Variants in HCN1 observed in about 807,000 individuals in gnomAD.
HCN1 encodes potassium/sodium hyperpolarization-activated cyclic nucleotide-gated channel 1.
HCN1 carries 13 observed loss-of-function variants against 78.9 expected under a neutral mutation model. The observed-to-expected ratio is 0.16, with a 90% confidence interval of 0.11 to 0.26. The LOEUF (loss-of-function observed/expected upper bound fraction) is 0.26, where lower values mean the gene tolerates loss of function less well. HCN1 is among the 10% of genes least tolerant of loss of function. The pLI is 1.00. For synonymous variants in HCN1, 552 were observed against 455.5 expected (o/e 1.21, Z -2.70); for missense variants, 810 against 1,154.3 (o/e 0.70, Z 4.32).
chr5:45,631,447 T>C (rs1448435497), intron 2 of HCN1, among the ~76,000 whole-genome samples: 2 of 152,250 alleles, frequency 1.3e-5, no homozygotes, highest in East Asian at 3.9e-4. Flanking sequence ...AGGTATGAGA[T>C]GACAAGAAGC....
chr5:45,344,536 T>C (rs1216970544), intron 5 of HCN1, among the ~76,000 whole-genome samples: 2 of 152,182 alleles, frequency 1.3e-5, no homozygotes, highest in Non-Finnish European at 2.9e-5. Flanking sequence ...ACTTCCTAGA[T>C]ACAATGAGGG....
At chr5:45,464,394 T>C (rs1247428714) in intron 2 of HCN1, among the ~76,000 whole-genome samples, 1 of 152,158 alleles carries the variant, frequency 6.6e-6, no homozygotes, top group African/African-American at 2.4e-5. Flanking sequence ...TAGGTAGTGC[T>C]AGTGCTGGCT....
chr5:45,640,914 G>A (rs1414215933), intron 2 of HCN1, among the ~76,000 whole-genome samples: 1 of 147,720 alleles, frequency 6.8e-6, no homozygotes, highest in African/African-American at 2.5e-5. Flanking sequence ...TAAAATTATA[G>A]AAGCAGAAAG....
At chr5:45,292,073 GA>G (rs1234965673) in intron 6 of HCN1, among the ~76,000 whole-genome samples, 3 of 150,752 alleles carry the variant, frequency 2.0e-5, no homozygotes, top group African/African-American at 4.9e-5. Flanking sequence ...ATTTGTTGAA[GA>G]AAAAAAAGGA....
intron 4 of HCN1, among the ~76,000 whole-genome samples, chr5:45,373,478 C>T (rs1424382828): frequency 7.2e-6 from 1 of 138,354 alleles, no homozygotes; most frequent in African/African-American, 2.6e-5. Context: ...TATACATCAT[C>T]TATCATATAC....
intron 5 of HCN1, among the ~76,000 whole-genome samples, chr5:45,313,543 A>G (rs1745906753): frequency 1.3e-5 from 2 of 152,314 alleles, no homozygotes; most frequent in East Asian, 3.9e-4. Context: ...TTGAGAGAAG[A>G]AGGCTTCAGA....
chr5:45,607,169 G>A (rs1484124452), intron 2 of HCN1, among the ~76,000 whole-genome samples: 6 of 151,538 alleles, frequency 4.0e-5, no homozygotes, highest in East Asian at 1.9e-4. Flanking sequence ...GAAATAACAC[G>A]ATTTAAATAA....
At chr5:45,328,855 C>T (rs532917591) in intron 5 of HCN1, among the ~76,000 whole-genome samples, 12 of 151,696 alleles carry the variant, frequency 7.9e-5, no homozygotes, top group East Asian at 3.9e-4. Flanking sequence ...AGTTAATAAG[C>T]GATATTAGCA....
intron 2 of HCN1, among the ~76,000 whole-genome samples, chr5:45,523,667 G>A (rs374013023): frequency 2.6e-5 from 4 of 151,834 alleles, no homozygotes; most frequent in African/African-American, 4.8e-5. Context: ...TCTTTTGAGA[G>A]GTGTCTGTTC....
At chr5:45,687,357 T>G (rs982690613) in intron 1 of HCN1, among the ~76,000 whole-genome samples, 9 of 152,184 alleles carry the variant, frequency 5.9e-5, no homozygotes, top group African/African-American at 1.9e-4. Context: ...CCATTTTCAC[T>G]TTTTTATCAT....
In HCN1 at chr5:45,318,215, C is replaced by A. The variant is rs538670115; in HGVS notation, c.1378-14376G>T. ...ATTAAGAAAATGTGGCACATATACA[C>A]CATGGAATACTATGCAGCCATAAAA... On this transcript the variant is annotated intron_variant, in intron 5 of 7. Coordinates refer to ENST00000303230, the MANE Select transcript of HCN1 (RefSeq NM_021072.4). Among the ~76,000 whole-genome samples the A allele has an allele frequency of 1.1e-4, 17 of 152,220 alleles. No individual in the cohort carries two copies. In the East Asian group the frequency reaches 3.3e-3, roughly 29 times the overall value.
In HCN1 at chr5:45,256,742, A is replaced by T. The variant is rs2111830037; in HGVS notation, c.*5179T>A. The T allele has an allele frequency of 6.6e-6, 1 of 152,254 alleles. No individual in the cohort carries two copies. Among genetic ancestry groups the T allele is most frequent in the East Asian group, 1.9e-4 (1 of 5,174 alleles). 9.4% of individuals were successfully genotyped at this position (152,254 alleles called of 1,614,324 possible). On this transcript the variant is annotated 3_prime_UTR_variant, in exon 8 of 8. Transcript: ENST00000303230. ...TAAGTATATACTGGTCAATTAAAAA[A>T]ATTTTTTTTCCTTGTAGAGACCAGG...
chr5:45,338,613 C>A (rs891492336), intron 5 of HCN1, among the ~76,000 whole-genome samples: 1 of 141,226 alleles, frequency 7.1e-6, no homozygotes, highest in Non-Finnish European at 1.5e-5. Flanking sequence ...TTTCTAGACA[C>A]TAAGAACATA....
chr5:45,269,326 G>T (rs1744917233), intron 6 of HCN1, among the ~76,000 whole-genome samples: 2 of 152,066 alleles, frequency 1.3e-5, no homozygotes, highest in Non-Finnish European at 1.5e-5. Flanking sequence ...TATACAAAGT[G>T]AAAAGAAAAT....
intron 6 of HCN1, among the ~76,000 whole-genome samples, chr5:45,274,603 T>C (rs1479402306): frequency 6.6e-6 from 1 of 152,174 alleles, no homozygotes; most frequent in African/African-American, 2.4e-5. Context: ...GTATTCTAAT[T>C]TTTCCTTATG....
chr5:45,273,316 A>G (rs1744994901), intron 6 of HCN1, among the ~76,000 whole-genome samples: 1 of 151,704 alleles, frequency 6.6e-6, no homozygotes, highest in South Asian at 2.1e-4. Flanking sequence ...GATTTGGCCT[A>G]GCACATTATT....
intron 5 of HCN1, among the ~76,000 whole-genome samples, chr5:45,332,817 A>G (rs1403242180): frequency 6.6e-6 from 1 of 151,518 alleles, no homozygotes; most frequent in African/African-American, 2.4e-5. Context: ...AAATAACAGG[A>G]TCTCATTTTT....
At chr5:45,616,724 A>G (rs559679432) in intron 2 of HCN1, among the ~76,000 whole-genome samples, 1 of 152,172 alleles carries the variant, frequency 6.6e-6, no homozygotes, top group South Asian at 2.1e-4. Flanking sequence ...TCCATTAAAT[A>G]AAAAACAAAC....
chr5:45,455,777 A>AT (rs1741017647), intron 3 of HCN1, among the ~76,000 whole-genome samples: 1 of 151,304 alleles, frequency 6.6e-6, no homozygotes, highest in African/African-American at 2.4e-5. Flanking sequence ...AAAAAAAAAA[A>AT]AAAAAGGGTT....
Sources: allele counts gnomAD v4.1 joint callset (sites outside exome capture counted in the v4.1 genomes callset), GRCh38; gene constraint gnomAD v4.1.1; transcripts MANE v1.5; gene names NCBI Gene and HGNC (gene_info 2026-07-23, HGNC 2026-07-21).